The following WASHC2C variants were observed in gnomAD, a reference collection of about 807,000 sequenced individuals.
The protein encoded by WASHC2C is WASH complex subunit 2C, also known as Vaccinia Penetration Factor.
Under a neutral mutation model 142.2 loss-of-function variants are expected in WASHC2C, and 73 were observed. The observed-to-expected ratio is 0.51, with a 90% CI of 0.43 to 0.62. The LOEUF is 0.62. Ranked by LOEUF, WASHC2C falls within the 20% of genes least tolerant of loss-of-function variation. The probability of loss-of-function intolerance (pLI) is 0.00; values close to 1 mark genes in which losing one functional copy is unlikely to be tolerated. For synonymous variants in WASHC2C, 337 were observed against 565.5 expected, an observed-to-expected ratio of 0.60 and a Z score of 5.73; for missense variants, 969 against 1,531.7, an observed-to-expected ratio of 0.63 and a Z score of 6.13.
chr10:45,788,999 C>T lies in WASHC2C; in HGVS notation c.3216C>T (p.Gly1072=), dbSNP rs1351196690. 45 of 1,611,996 alleles carry T rather than the reference C, an allele frequency of 2.8e-5. No homozygotes were observed. The highest frequency in any genetic ancestry group is 5.3e-5 in the African/African-American group (4 of 74,974). Residue 1072 remains glycine, a synonymous_variant, in exon 29 of 31, where the codon GGC becomes GGT. Transcript: ENST00000623400. Reference sequence around the variant, plus strand: ...GACCCATTGCACAGTGGGCTGATGGCGCCATTTCCCCAAATGGCCATCGGC... The same window carrying T: ...GACCCATTGCACAGTGGGCTGATGGTGCCATTTCCCCAAATGGCCATCGGC... ...PRGPIAQWAD[G]AISPNGHRPQ...
At chr10:45,739,824 G>A (rs1464633063) in intron 4 of WASHC2C, among the ~76,000 whole-genome samples, 11 of 152,020 alleles carry the variant, frequency 7.2e-5, no homozygotes, top group Non-Finnish European at 1.3e-4. Flanking sequence ...TGCTTTTGTA[G>A]ACGATGACCC....
chr10:45,754,519 C>T lies in WASHC2C; in HGVS notation c.1214C>T (p.Pro405Leu), dbSNP rs782404473. The change falls in exon 14 of 31, where the codon CCA becomes CTA. Residue 405 changes from proline to leucine, a missense_variant. Coordinates refer to ENST00000623400, the MANE Select transcript of WASHC2C (RefSeq NM_001330074.2). ...SSSSKPGKKI[P>L]AGAVSVFLGD... Reference sequence around the variant, plus strand: ...TCATCCAAACCTGGAAAGAAAATCCCAGCAGGAGCTGTTTCTGTATTTTTA... The same window carrying T: ...TCATCCAAACCTGGAAAGAAAATCCTAGCAGGAGCTGTTTCTGTATTTTTA... 2.3e-5 allele frequency: 37 copies of T among 1,602,858 alleles called. No individual in the cohort carries two copies. The highest frequency in any genetic ancestry group is 1.5e-4 in the Admixed American group (9 of 58,908).
chr10:45,768,695 G>A (rs1371195565), intron 19 of WASHC2C, among the ~76,000 whole-genome samples: 2 of 152,108 alleles, frequency 1.3e-5, no homozygotes, highest in Non-Finnish European at 2.9e-5. Context: ...ATTGTGTCTT[G>A]TTCACATGTG....
rs545130507 is a variant in WASHC2C, at chr10:45,757,191, T to C, written c.1548+52T>C. Reference sequence around the variant, plus strand: ...GGAGCATTGATCTGCAGCATTTTAATAATTCATCCGGAACCCAGAGGGAAG... The same window carrying C: ...GGAGCATTGATCTGCAGCATTTTAACAATTCATCCGGAACCCAGAGGGAAG... On this transcript the variant is annotated intron_variant, in intron 16 of 30. Transcript: ENST00000623400. The C allele has an allele frequency of 7.1e-5, 114 of 1,610,734 alleles. No homozygotes were observed. The South Asian group carries it at 1.1e-3, about 16-fold the overall frequency.
At chr10:45,785,725 G>A in intron 26 of WASHC2C, 94 bp downstream of exon 26, 1 of 1,604,304 alleles carries the variant, frequency 6.2e-7, no homozygotes, top group Non-Finnish European at 8.5e-7. Flanking sequence ...AGACTTGTCT[G>A]CATTAAGGAG....
At chr10:45,761,796 C>T (rs1170500241) in intron 17 of WASHC2C, among the ~76,000 whole-genome samples, 4 of 152,148 alleles carry the variant, frequency 2.6e-5, no homozygotes, top group African/African-American at 4.8e-5. Context: ...CTTTGGTTTA[C>T]TTTCATTTTC....
Position 45,787,256 on chromosome 10 carries a change from A to G in WASHC2C, c.3087+9A>G, listed in dbSNP as rs1554890695. ...TACACAGTGCAAACAAGGTGATGAAACCATCTTTGCTTCCTTGCTCTCTTC... is the reference window on the plus strand; with the variant it reads ...TACACAGTGCAAACAAGGTGATGAAGCCATCTTTGCTTCCTTGCTCTCTTC... On this transcript the variant is annotated intron_variant, in intron 28 of 30. Coordinates refer to ENST00000623400, the MANE Select transcript of WASHC2C (RefSeq NM_001330074.2). 7.5e-7 allele frequency: 1 copy of G among 1,337,582 alleles called. No homozygotes were observed. Among genetic ancestry groups the G allele is most frequent in the Non-Finnish European group, 1.0e-6 (1 of 958,224 alleles). The allele number at this position is 1,337,582 out of a possible 1,614,324, so 82.9% of individuals were successfully genotyped here.
rs2058327368 is a variant in WASHC2C, at chr10:45,790,340, T to A, written c.3709-16T>A. 6.2e-7 allele frequency: 1 copy of A among 1,609,280 alleles called. No individual in the cohort carries two copies. Among genetic ancestry groups the A allele is most frequent in the African/African-American group, 1.3e-5 (1 of 74,600 alleles). On this transcript the variant is annotated splice_polypyrimidine_tract_variant and intron_variant, in intron 29 of 30. Transcript: ENST00000623400. ...TTGATTTAACATTGTTTTGTATGTA[T>A]TTTTGGCTTAACAAGGATGATATAT...
At chr10:45,735,481 T>C (rs2051105171) in intron 3 of WASHC2C, among the ~76,000 whole-genome samples, 1 of 151,844 alleles carries the variant, frequency 6.6e-6, no homozygotes, top group African/African-American at 2.4e-5. Flanking sequence ...CCGCAGGTGA[T>C]CCCAAAGTGC....
intron 28 of WASHC2C, among the ~76,000 whole-genome samples, chr10:45,788,335 A>C (rs2058195655): frequency 1.3e-5 from 2 of 152,276 alleles, no homozygotes; most frequent in South Asian, 4.1e-4. Flanking sequence ...TGGAATATTT[A>C]ACATTTGAAT....
chr10:45,789,197 G>C lies in WASHC2C; in HGVS notation c.3414G>C (p.Thr1138=). The C allele has an allele frequency of 5.6e-6, 9 of 1,612,022 alleles. No homozygotes were observed. Among genetic ancestry groups the C allele is most frequent in the Non-Finnish European group, 7.6e-6 (9 of 1,179,870 alleles). Residue 1138 remains threonine (T), a synonymous_variant, in exon 29 of 31, where the codon ACG becomes ACC. Coordinates refer to ENST00000623400, the MANE Select transcript of WASHC2C (RefSeq NM_001330074.2). ...TTGATTCTGGGGACATTTTTTCCAC[G>C]GGCACTGGATCTCAGTCCGTGGAGA... The part of the protein sequence containing the change: ...DLFDSGDIFS[T]GTGSQSVERT...
Position 45,754,630 on chromosome 10 carries a change from G to A in WASHC2C, c.1240+85G>A. The A allele has an allele frequency of 2.3e-6, 3 of 1,298,044 alleles. No individual in the cohort carries two copies. The South Asian group carries it at 4.5e-5, about 19-fold the overall frequency. The allele number at this position is 1,298,044 out of a possible 1,614,324, so 80.4% of individuals were successfully genotyped here. Reference sequence around the variant, plus strand: ...AATTATCATCTTCTAAAGTCTGGCTGGAGATGAGGAAGTACCTGGGAGCTT... The same window carrying A: ...AATTATCATCTTCTAAAGTCTGGCTAGAGATGAGGAAGTACCTGGGAGCTT... On this transcript the variant is annotated intron_variant, in intron 14 of 30. Transcript: ENST00000623400.
chr10:45,784,285 T>TAC (rs1169022901), intron 23 of WASHC2C, among the ~76,000 whole-genome samples: 16 of 7,602 alleles, frequency 2.1e-3, no homozygotes, highest in South Asian at 8.8e-3. Flanking sequence ...TATATATATA[T>TAC]ATATACACAT....
intron 20 of WASHC2C, 98 bp from the exon 21 acceptor site, chr10:45,773,158 G>T (rs2056754064): frequency 9.3e-6 from 5 of 539,204 alleles, no homozygotes; most frequent in Non-Finnish European, 1.6e-5. Flanking sequence ...GTGGTAGGTG[G>T]ATTCCTGTAG....
intron 17 of WASHC2C, among the ~76,000 whole-genome samples, chr10:45,760,170 C>T (rs1389073931): frequency 2.1e-5 from 2 of 93,286 alleles, no homozygotes; most frequent in Admixed American, 1.3e-4. Context: ...TCCCTCCAGG[C>T]ACCTTAGAAC....
rs1554877587 is a variant in WASHC2C, at chr10:45,757,082, A to T, written c.1491A>T (p.Ala497=). 6 of 1,609,232 alleles carry T rather than the reference A, an allele frequency of 3.7e-6. No individual in the cohort carries two copies. The highest frequency in any genetic ancestry group is 8.5e-7 in the Non-Finnish European group (1 of 1,178,696). ...EGDLFKEKAV[A]SPEATVSQTD... ...ATCTGTTCAAAGAAAAAGCCGTAGC[A>T]TCGCCAGAAGCCACTGTGAGTCAGA... The change falls in exon 16 of 31, where the codon GCA becomes GCT. Residue 497 remains alanine, a synonymous_variant. Transcript: ENST00000623400.
intron 23 of WASHC2C, among the ~76,000 whole-genome samples, chr10:45,784,291 C>T (rs868963375): frequency 0.083 from 676 of 8,110 alleles, 5 homozygotes; most frequent in East Asian, 0.17. Flanking sequence ...TATATATATA[C>T]ACATATATAT....
intron 3 of WASHC2C, among the ~76,000 whole-genome samples, chr10:45,735,458 C>T (rs1365206824): frequency 6.7e-6 from 1 of 148,860 alleles, no homozygotes; most frequent in Non-Finnish European, 1.5e-5. Context: ...CCAGGCTGGT[C>T]TCAAACTCCT....
At chr10:45,791,959 G>A (rs2058419045) in intron 30 of WASHC2C, among the ~76,000 whole-genome samples, 1 of 145,738 alleles carries the variant, frequency 6.9e-6, no homozygotes, top group South Asian at 2.2e-4. Flanking sequence ...GTCCCTGATG[G>A]TAGGGGCGTG....
Sources: gnomAD v4.1 joint callset for allele counts (sites outside exome capture counted in the v4.1 genomes callset) on GRCh38, gnomAD v4.1.1 for gene constraint, MANE v1.5 for transcripts, NCBI Gene and HGNC (gene_info 2026-07-23, HGNC 2026-07-21) for gene names.